LARS1: variants seen among roughly 807,000 people sequenced by gnomAD.
The protein encoded by LARS1 is leucyl-tRNA synthetase 1.
LARS1 carries 100 observed loss-of-function variants against 162.8 expected under a neutral mutation model. The ratio of observed to expected loss-of-function variants is 0.61; its 90% CI spans 0.52 to 0.73. The LOEUF is 0.73. LARS1 is among the 30% of genes least tolerant of loss of function. LARS1 has a pLI of 0.00. For synonymous variants in LARS1, 457 were observed against 462.8 expected, an observed-to-expected ratio of 0.99 and a Z score of 0.16; for missense variants, 1,258 against 1,408.9, an observed-to-expected ratio of 0.89 and a Z score of 1.71.
rs574818134 is a variant in LARS1 at position 146,169,689 on chromosome 5, C to T, written c.295-1424G>A. 3.9e-5 allele frequency among the ~76,000 whole-genome samples: 6 copies of T among 152,110 alleles called. No individual in the cohort carries two copies. The South Asian group carries it at 1.2e-3, about 32-fold the overall frequency. Reference sequence around the variant, plus strand: ...ATAGCCTCCGAAGTAGCTGGAATTACAGGCACCTGCCACCACGCCCGGCTA... The same window carrying T: ...ATAGCCTCCGAAGTAGCTGGAATTATAGGCACCTGCCACCACGCCCGGCTA... On this transcript the variant is annotated intron_variant, in intron 4 of 31. Transcript: ENST00000394434.
chr5:146,178,942 A>T (rs1191642207), intron 1 of LARS1, among the ~76,000 whole-genome samples: 1 of 151,666 alleles, frequency 6.6e-6, no homozygotes, highest in African/African-American at 2.4e-5. Flanking sequence ...AAGAAAAACA[A>T]TTTTTTTGGC....
At chr5:146,165,167 C>T (rs568523207) in intron 5 of LARS1, among the ~76,000 whole-genome samples, 1 of 152,200 alleles carries the variant, frequency 6.6e-6, no homozygotes, top group African/African-American at 2.4e-5. Flanking sequence ...AACCCCATCT[C>T]TACTAAAAAT....
chr5:146,146,950 G>A (rs1753037112), intron 15 of LARS1, among the ~76,000 whole-genome samples: 1 of 151,930 alleles, frequency 6.6e-6, no homozygotes, highest in African/African-American at 2.4e-5. Context: ...GACCTCAAGT[G>A]ATCCACCGGT....
chr5:146,169,947 A>T (rs1487777390), intron 4 of LARS1, among the ~76,000 whole-genome samples: 1 of 152,182 alleles, frequency 6.6e-6, no homozygotes, highest in Non-Finnish European at 1.5e-5. Flanking sequence ...ACCATTTTAT[A>T]TGCTTTTGAG....
In LARS1 at chr5:146,140,271, T is replaced by TA. The variant is rs777827177; in HGVS notation, c.2091-11dup. The stretch of plus-strand genomic sequence containing the variant: ...TGTAGGCCATTTGTCACTTCACAGA[T>TA]AAATGTTTAAAGATAGAAAATAAAA... On this transcript the variant is annotated splice_polypyrimidine_tract_variant and intron_variant, in intron 20 of 31. Transcript: ENST00000394434. The TA allele has an allele frequency of 3.8e-6, 6 of 1,596,150 alleles. No homozygotes were observed. Among genetic ancestry groups the TA allele is most frequent in the Non-Finnish European group, 5.2e-6 (6 of 1,164,240 alleles).
chr5:146,171,519 G>GT (rs1754276049), intron 4 of LARS1, among the ~76,000 whole-genome samples: 1 of 151,970 alleles, frequency 6.6e-6, no homozygotes, highest in African/African-American at 2.4e-5. Context: ...TATGACAAAT[G>GT]AAGATATTTG....
intron 22 of LARS1, among the ~76,000 whole-genome samples, chr5:146,135,125 T>G (rs1260478838): frequency 6.6e-6 from 1 of 151,020 alleles, no homozygotes; most frequent in Non-Finnish European, 1.5e-5. Context: ...TGCCTCAGCC[T>G]CCCAAAGTAG....
intron 22 of LARS1, among the ~76,000 whole-genome samples, chr5:146,134,124 G>A (rs1581024322): frequency 6.6e-6 from 1 of 152,088 alleles, no homozygotes; most frequent in Non-Finnish European, 1.5e-5. Context: ...GATTACAAGT[G>A]TGAGCCACCA....
intron 2 of LARS1, among the ~76,000 whole-genome samples, chr5:146,176,448 C>CAAAAAAAAA (rs34896615): frequency 1.3e-5 from 1 of 76,984 alleles, no homozygotes; most frequent in Non-Finnish European, 2.4e-5. Context: ...AAGACTGTCT[C>CAAAAAAAAA]AAAAAAAAAA....
At chr5:146,136,684 G>A (rs963517157) in intron 21 of LARS1, among the ~76,000 whole-genome samples, 17 of 151,970 alleles carry the variant, frequency 1.1e-4, no homozygotes, top group Non-Finnish European at 1.9e-4. Context: ...GTTTCACCAT[G>A]TTGGTCAGGC....
Position 146,140,224 on chromosome 5 carries a change from G to T in LARS1, c.2128C>A (p.Leu710Ile). The T allele has an allele frequency of 6.2e-7, 1 of 1,611,866 alleles. No homozygotes were observed. Among genetic ancestry groups the T allele is most frequent in the African/African-American group, 1.3e-5 (1 of 75,042 alleles). Residue 710 changes from leucine (L) to isoleucine (I), a missense_variant, in exon 21 of 32, where the codon CTC becomes ATC. Coordinates refer to ENST00000394434, the MANE Select transcript of LARS1 (RefSeq NM_020117.11). ...CTTACCTTCTCAGAGTTCAGGAGGA[G>T]ATGTCCATTTGCTCTCACAGCTGTA... is the stretch of plus-strand genomic sequence containing the variant. ...WPTAVRANGH[L>I]LLNSEKMSKS...
intron 17 of LARS1, 36 bp from the exon 18 acceptor site, chr5:146,144,385 G>C (rs368803915): frequency 7.2e-5 from 115 of 1,594,498 alleles, no homozygotes; most frequent in East Asian, 7.1e-4. Context: ...TATCTTTACT[G>C]GTTCACTTTT....
chr5:146,159,297 G>T, intron 8 of LARS1, 110 bp downstream of exon 8: 1 of 749,198 alleles, frequency 1.3e-6, no homozygotes, highest in Non-Finnish European at 2.3e-6. Context: ...AGAGTATCAG[G>T]ACTACATCCC....
chr5:146,141,310 C>T (rs924991800), intron 20 of LARS1, among the ~76,000 whole-genome samples: 1 of 151,728 alleles, frequency 6.6e-6, no homozygotes, highest in Non-Finnish European at 1.5e-5. Context: ...AGACCTTCCT[C>T]GAAAAGCTAT....
rs548086278 is a variant in LARS1 at position 146,137,187 on chromosome 5, C to T, written c.2149-1523G>A. On this transcript the variant is annotated intron_variant, in intron 21 of 31. Coordinates refer to ENST00000394434, the MANE Select transcript of LARS1 (RefSeq NM_020117.11). ...TGCTGGGATTATAGGCGTGAGTCAC[C>T]GCGCCCAGTCCCCTACAACTATTTT... Among the ~76,000 whole-genome samples the T allele has an allele frequency of 1.2e-4, 19 of 152,338 alleles. No homozygotes were observed. In the East Asian group the frequency reaches 1.7e-3, roughly 14 times the overall value.
intron 6 of LARS1, among the ~76,000 whole-genome samples, chr5:146,164,061 A>T (rs550008669): frequency 2.6e-5 from 4 of 152,190 alleles, no homozygotes; most frequent in Non-Finnish European, 1.5e-5. Context: ...AATAACATCA[A>T]AGATCACTGA....
intron 1 of LARS1, 87 bp downstream of exon 1, chr5:146,182,401 T>C: frequency 6.4e-7 from 1 of 1,555,786 alleles, no homozygotes; most frequent in South Asian, 1.1e-5. Context: ...GAAAAGGACT[T>C]TCCCTTCAGG....
chr5:146,144,562 T>G, intron 16 of LARS1, 25 bp from the exon 17 acceptor site: 2 of 1,613,330 alleles, frequency 1.2e-6, no homozygotes, highest in Non-Finnish European at 1.7e-6. Context: ...ATTGATATGT[T>G]TTTTTTTAAG....
rs150549192 is a variant in LARS1 at position 146,114,334 on chromosome 5, T to C, written c.3326-23A>G. 419 of 1,585,444 alleles carry C rather than the reference T, an allele frequency of 2.6e-4. 1 individual carries two copies. The African/African-American group carries it at 4.6e-3, about 18-fold the overall frequency. ...GGTCTACAACAAAATAAATTATCAATATAAGCATTTAATTACAGTCACTCA... is the reference window on the plus strand; with the variant it reads ...GGTCTACAACAAAATAAATTATCAACATAAGCATTTAATTACAGTCACTCA... On this transcript the variant is annotated intron_variant, in intron 31 of 31. Transcript: ENST00000394434.
Sources: gnomAD v4.1 joint callset for allele counts (sites outside exome capture counted in the v4.1 genomes callset) on GRCh38, gnomAD v4.1.1 for gene constraint, MANE v1.5 for transcripts, NCBI Gene and HGNC (gene_info 2026-07-23, HGNC 2026-07-21) for gene names.